SRGAP3: variants seen among roughly 807,000 people sequenced by gnomAD.
SRGAP3 encodes SLIT-ROBO Rho GTPase-activating protein 3.
Under a neutral mutation model 121.1 loss-of-function variants are expected in SRGAP3, and 39 were observed. That is an observed-to-expected ratio of 0.32 (90% confidence interval 0.25 to 0.42). SRGAP3 has a LOEUF of 0.42. Among genes scored for constraint, SRGAP3 ranks in the 10% least tolerant of loss-of-function variants. SRGAP3 has a pLI of 1.00. For missense variants in SRGAP3, 1,213 were observed against 1,470.6 expected (o/e 0.82, Z 2.86); for synonymous variants, 601 against 570.0 (o/e 1.05, Z -0.77).
chr3:9,148,081 AGT>A (rs1457122822), intron 1 of SRGAP3, among the ~76,000 whole-genome samples: 1 of 152,204 alleles, frequency 6.6e-6, no homozygotes, highest in Non-Finnish European at 1.5e-5. Flanking sequence ...GTTTAGCTTA[AGT>A]GTCCAAGAGA....
intron 18 of SRGAP3, among the ~76,000 whole-genome samples, chr3:9,000,985 G>A (rs922678128): frequency 6.6e-5 from 10 of 152,142 alleles, no homozygotes; most frequent in Non-Finnish European, 1.5e-5. Context: ...ATAAATAGAA[G>A]CTCATTCAAA....
At position 9,185,359 on chromosome 3, in the gene SRGAP3, G is replaced by A. The variant is rs910561814; in HGVS notation, c.68-60442C>T. 3.3e-5 allele frequency among the ~76,000 whole-genome samples: 5 copies of A among 152,242 alleles called. 1 individual carries two copies. The highest frequency in any genetic ancestry group is 2.0e-4 in the Admixed American group (3 of 15,292). ...CACTAGCTACCCTGAGCACCAAGAC[G>A]GGGCAGGGAGGATCATGACTGGAGT... On this transcript the variant is annotated intron_variant, in intron 1 of 21. Coordinates refer to ENST00000383836, the MANE Select transcript of SRGAP3 (RefSeq NM_014850.4).
chr3:9,145,542 C>T (rs1949994357), intron 1 of SRGAP3, among the ~76,000 whole-genome samples: 1 of 152,190 alleles, frequency 6.6e-6, no homozygotes, highest in African/African-American at 2.4e-5. Context: ...TTCAATCATT[C>T]ATTTACAGAT....
At chr3:9,085,581 G>A (rs566494138) in intron 3 of SRGAP3, among the ~76,000 whole-genome samples, 55 of 152,158 alleles carry the variant, frequency 3.6e-4, no homozygotes, top group Non-Finnish European at 5.7e-4. Context: ...ATCAATGATA[G>A]ATTAGAAAAA....
At chr3:9,333,507 C>T (rs965502209) in intron 1 of SRGAP3, among the ~76,000 whole-genome samples, 1 of 152,160 alleles carries the variant, frequency 6.6e-6, no homozygotes, top group East Asian at 1.9e-4. Flanking sequence ...CCTTACTCCG[C>T]TCCTTTCTGC....
At chr3:9,204,734 G>A (rs749750071) in intron 1 of SRGAP3, among the ~76,000 whole-genome samples, 27 of 152,218 alleles carry the variant, frequency 1.8e-4, no homozygotes, top group Admixed American at 9.1e-4. Flanking sequence ...CACAGAAGGC[G>A]TAAGCCGGGC....
At chr3:9,156,030 T>A (rs578133429) in intron 1 of SRGAP3, among the ~76,000 whole-genome samples, 1 of 152,318 alleles carries the variant, frequency 6.6e-6, no homozygotes, top group Admixed American at 6.5e-5. Context: ...TTAGCCAGGA[T>A]GGTCTCCATC....
intron 3 of SRGAP3, among the ~76,000 whole-genome samples, chr3:9,304,993 G>A (rs1000755307): frequency 6.6e-6 from 1 of 152,190 alleles, no homozygotes; most frequent in South Asian, 2.1e-4. Flanking sequence ...ACCTTCAGAG[G>A]TTGTTCCATC....
At chr3:9,350,928 TC>T (rs1302162326) in intron 1 of SRGAP3, among the ~76,000 whole-genome samples, 3 of 152,330 alleles carry the variant, frequency 2.0e-5, no homozygotes, top group Middle Eastern at 3.4e-3. Flanking sequence ...TTTCTTGTCA[TC>T]CCGGGGGTTG....
chr3:9,207,295 T>A (rs2125169906), intron 1 of SRGAP3, among the ~76,000 whole-genome samples: 1 of 152,294 alleles, frequency 6.6e-6, no homozygotes, highest in African/African-American at 2.4e-5. Context: ...TTCTACTGTT[T>A]AGAGTCACAC....
At chr3:9,355,737 T>C (rs2030460549) in intron 1 of SRGAP3, 1 of 152,266 alleles carries the variant, frequency 6.6e-6, no homozygotes, top group South Asian at 2.1e-4. Context: ...ATATATTTTC[T>C]GTATTATCTG....
At chr3:9,165,846 C>A (rs1950769252) in intron 1 of SRGAP3, among the ~76,000 whole-genome samples, 1 of 152,208 alleles carries the variant, frequency 6.6e-6, no homozygotes, top group African/African-American at 2.4e-5. Context: ...TCAGCTAGGT[C>A]AGATGCCTTG....
At chr3:9,006,164 G>T (rs1484430423) in intron 18 of SRGAP3, among the ~76,000 whole-genome samples, 1 of 152,042 alleles carries the variant, frequency 6.6e-6, no homozygotes, top group Non-Finnish European at 1.5e-5. Context: ...ACTTTGGGAG[G>T]CTGAGGCAAG....
At chr3:9,003,257 A>G (rs1278135839) in intron 18 of SRGAP3, among the ~76,000 whole-genome samples, 1 of 152,162 alleles carries the variant, frequency 6.6e-6, no homozygotes, top group East Asian at 1.9e-4. Flanking sequence ...AGCTGGGCGG[A>G]TAACTTGAGG....
At chr3:9,050,825 G>A (rs1055611821) in intron 9 of SRGAP3, among the ~76,000 whole-genome samples, 1 of 152,318 alleles carries the variant, frequency 6.6e-6, no homozygotes, top group East Asian at 1.9e-4. Flanking sequence ...AGCGTGGGCT[G>A]CTTTGCTAAG....
chr3:9,084,048 C>G (rs571699200), intron 3 of SRGAP3, among the ~76,000 whole-genome samples: 1 of 152,302 alleles, frequency 6.6e-6, no homozygotes, highest in East Asian at 1.9e-4. Context: ...GCGATAGTAT[C>G]TTCCTGGGCT....
At chr3:9,316,018 T>C (rs147378094) in intron 3 of SRGAP3, among the ~76,000 whole-genome samples, 37 of 152,272 alleles carry the variant, frequency 2.4e-4, no homozygotes, top group Admixed American at 7.8e-4. Flanking sequence ...AGTCAAACAG[T>C]GCTTGGTTTT....
chr3:9,125,337 C>G (rs1187539785), intron 1 of SRGAP3, among the ~76,000 whole-genome samples: 1 of 152,144 alleles, frequency 6.6e-6, no homozygotes, highest in Non-Finnish European at 1.5e-5. Flanking sequence ...GGAAATAATT[C>G]AATGAAAACA....
chr3:9,084,939 TG>T (rs1344141961), intron 3 of SRGAP3, among the ~76,000 whole-genome samples: 1 of 152,208 alleles, frequency 6.6e-6, no homozygotes, highest in Non-Finnish European at 1.5e-5. Flanking sequence ...GGGATGACTT[TG>T]GGGGCCACAG....
Sources: allele counts gnomAD v4.1 joint callset (sites outside exome capture counted in the v4.1 genomes callset), GRCh38; gene constraint gnomAD v4.1.1; transcripts MANE v1.5; gene names NCBI Gene and HGNC (gene_info 2026-07-23, HGNC 2026-07-21).